Variants in CPPED1 observed in about 807,000 individuals in gnomAD.
CPPED1 encodes the protein serine/threonine-protein phosphatase CPPED1.
Under a neutral mutation model 28.0 loss-of-function variants are expected in CPPED1, and 28 were observed. The ratio of observed to expected loss-of-function variants is 1.00; its 90% CI spans 0.74 to 1.37. The LOEUF (loss-of-function observed/expected upper bound fraction) is 1.37, where lower values mean the gene tolerates loss of function less well. CPPED1 is among the 40% of genes most tolerant of loss of function. CPPED1 has a pLI of 0.00. For synonymous variants in CPPED1, 198 were observed against 180.2 expected, an observed-to-expected ratio of 1.10 and a Z score of -0.79; for missense variants, 504 against 416.5, an observed-to-expected ratio of 1.21 and a Z score of -1.83.
chr16:12,691,017 C>T (rs965972535), intron 3 of CPPED1, among the ~76,000 whole-genome samples: 12 of 152,196 alleles, frequency 7.9e-5, no homozygotes, highest in Admixed American at 1.3e-4. Context: ...CATCAGCACC[C>T]GTGCCCACGG....
intron 2 of CPPED1, among the ~76,000 whole-genome samples, chr16:12,762,196 G>C (rs973962248): frequency 1.3e-5 from 2 of 152,178 alleles, no homozygotes; most frequent in Admixed American, 6.5e-5. Flanking sequence ...AGTCCCCTGG[G>C]ACTTAAATTT....
At position 12,660,383 on chromosome 16, in the gene CPPED1, T is replaced by C. The variant is rs1386554625; in HGVS notation, c.*4503A>G. ...AAAATCCAATCTGTATTTATGTGCA[T>C]GCACTGATGTTTAAAAATCCACTGG... On this transcript the variant is annotated 3_prime_UTR_variant, in exon 4 of 4. Transcript: ENST00000381774. 1.3e-5 allele frequency: 2 copies of C among 152,230 alleles called. No individual in the cohort carries two copies. The highest frequency in any genetic ancestry group is 1.9e-4 in the East Asian group (1 of 5,202). The allele number at this position is 152,230 out of a possible 1,614,324, so 9.4% of individuals were successfully genotyped here. A position where few individuals can be genotyped will look rare whatever the true frequency, so the allele number is the denominator to read the frequency against.
At position 12,754,199 on chromosome 16, in the gene CPPED1, G is replaced by C. The variant is rs186849613; in HGVS notation, c.289+26986C>G. The stretch of plus-strand genomic sequence containing the variant: ...TTGAACCCACCCATTTGAGGGTTTA[G>C]AGGCTCTGTTTGATGACAGATGAAA... On this transcript the variant is annotated intron_variant, in intron 2 of 3. Transcript: ENST00000381774. 2.9e-3 allele frequency among the ~76,000 whole-genome samples: 447 copies of C among 152,334 alleles called. 3 individuals are homozygous for C. Among genetic ancestry groups the C allele is most frequent in the Admixed American group, 5.8e-3 (89 of 15,302 alleles).
intron 2 of CPPED1, among the ~76,000 whole-genome samples, chr16:12,739,875 G>C (rs917958075): frequency 2.0e-5 from 3 of 152,132 alleles, no homozygotes; most frequent in Admixed American, 6.6e-5. Flanking sequence ...CTCTTAAACA[G>C]TGAGGTGATG....
intron 2 of CPPED1, among the ~76,000 whole-genome samples, chr16:12,723,090 G>A (rs2080150185): frequency 6.6e-6 from 1 of 152,150 alleles, no homozygotes; most frequent in African/African-American, 2.4e-5. Flanking sequence ...TCTCCACCCG[G>A]CTCCCATCTA....
chr16:12,690,696 C>A (rs1052557186), intron 3 of CPPED1, among the ~76,000 whole-genome samples: 4 of 148,604 alleles, frequency 2.7e-5, no homozygotes, highest in African/African-American at 9.9e-5. Flanking sequence ...CCATCAAGAG[C>A]ATCTTTGTCT....
At chr16:12,741,862 C>T (rs917654148) in intron 2 of CPPED1, among the ~76,000 whole-genome samples, 10 of 152,128 alleles carry the variant, frequency 6.6e-5, no homozygotes, top group African/African-American at 2.2e-4. Context: ...ACCAGGAGTT[C>T]GAAACCAGCA....
At chr16:12,782,616 T>C (rs1027386052) in intron 1 of CPPED1, among the ~76,000 whole-genome samples, 2 of 151,266 alleles carry the variant, frequency 1.3e-5, no homozygotes, top group African/African-American at 2.4e-5. Flanking sequence ...TCCCAACACT[T>C]TGGGAGGCCA....
At chr16:12,767,264 C>T (rs2080444972) in intron 2 of CPPED1, among the ~76,000 whole-genome samples, 1 of 152,146 alleles carries the variant, frequency 6.6e-6, no homozygotes, top group Non-Finnish European at 1.5e-5. Flanking sequence ...TGTCCAGGGG[C>T]AGGAGAAGGT....
At chr16:12,758,906 T>C (rs2080390076) in intron 2 of CPPED1, among the ~76,000 whole-genome samples, 2 of 151,890 alleles carry the variant, frequency 1.3e-5, no homozygotes. Context: ...CTCATGCTTG[T>C]AATTCCAGCA....
chr16:12,704,437 G>C (rs1327643849), intron 3 of CPPED1, among the ~76,000 whole-genome samples, 187 bp downstream of exon 3: 1 of 152,168 alleles, frequency 6.6e-6, no homozygotes, highest in East Asian at 1.9e-4. Flanking sequence ...TTATAGACGA[G>C]GAAACTGAGG....
At chr16:12,781,675 C>T (rs1239092677) in intron 1 of CPPED1, among the ~76,000 whole-genome samples, 1 of 152,114 alleles carries the variant, frequency 6.6e-6, no homozygotes, top group Admixed American at 6.6e-5. Context: ...ACAAGCTAGA[C>T]AGCCAAAAGG....
At chr16:12,695,183 A>G (rs1465440510) in intron 3 of CPPED1, among the ~76,000 whole-genome samples, 1 of 152,212 alleles carries the variant, frequency 6.6e-6, no homozygotes, top group Non-Finnish European at 1.5e-5. Flanking sequence ...TTATACATTC[A>G]AAGGTGTGTT....
At chr16:12,733,952 A>C (rs1258266877) in intron 2 of CPPED1, among the ~76,000 whole-genome samples, 3 of 152,168 alleles carry the variant, frequency 2.0e-5, no homozygotes, top group Non-Finnish European at 4.4e-5. Flanking sequence ...GCTTCCTATA[A>C]AACAGCAATT....
chr16:12,796,515 T>C (rs2080628621), intron 1 of CPPED1, among the ~76,000 whole-genome samples: 1 of 151,512 alleles, frequency 6.6e-6, no homozygotes, highest in Non-Finnish European at 1.5e-5. Context: ...CAAAAAAAAC[T>C]CACAATGAGA....
chr16:12,678,653 T>G (rs2079890127), intron 3 of CPPED1, among the ~76,000 whole-genome samples: 1 of 152,244 alleles, frequency 6.6e-6, no homozygotes, highest in Non-Finnish European at 1.5e-5. Context: ...GGTGCTATTG[T>G]AAATTGAATT....
intron 2 of CPPED1, among the ~76,000 whole-genome samples, chr16:12,730,894 T>A (rs1046908985): frequency 6.6e-6 from 1 of 152,152 alleles, no homozygotes; most frequent in Non-Finnish European, 1.5e-5. Context: ...TACCCGCATT[T>A]TAGTTCCTGA....
chr16:12,707,523 C>T (rs1302357970), intron 2 of CPPED1, among the ~76,000 whole-genome samples: 4 of 152,146 alleles, frequency 2.6e-5, no homozygotes, highest in Non-Finnish European at 4.4e-5. Flanking sequence ...TTATAATACA[C>T]TGGGGTGCAG....
chr16:12,764,538 C>G (rs2080428495), intron 2 of CPPED1, among the ~76,000 whole-genome samples: 1 of 152,096 alleles, frequency 6.6e-6, no homozygotes, highest in South Asian at 2.1e-4. Flanking sequence ...TGGAGTTTTG[C>G]CATGTTGCCC....
Sources: gnomAD v4.1 joint callset for allele counts (sites outside exome capture counted in the v4.1 genomes callset) on GRCh38, gnomAD v4.1.1 for gene constraint, MANE v1.5 for transcripts, NCBI Gene and HGNC (gene_info 2026-07-23, HGNC 2026-07-21) for gene names.